The following MDM4 variants were observed in gnomAD, a reference collection of about 807,000 sequenced individuals.
The protein encoded by MDM4 is protein Mdm4.
A neutral mutation model predicts 60.2 loss-of-function variants in MDM4; 2 were observed. The observed-to-expected ratio is 0.03, with a 90% confidence interval of 0.01 to 0.10. The LOEUF is 0.10. MDM4 is among the 10% of genes least tolerant of loss of function. The pLI, the probability that MDM4 is intolerant of heterozygous loss-of-function variation, is 1.00. For missense variants in MDM4, 447 were observed against 577.5 expected, an observed-to-expected ratio of 0.77 and a Z score of 2.32; for synonymous variants, 202 against 198.1, an observed-to-expected ratio of 1.02 and a Z score of -0.17.
chr1:204,517,811 T>A (rs1399661063), intron 1 of MDM4, among the ~76,000 whole-genome samples: 1 of 152,194 alleles, frequency 6.6e-6, no homozygotes, highest in Non-Finnish European at 1.5e-5. Flanking sequence ...GTGTTAAGTA[T>A]TACTGTATCT....
intron 3 of MDM4, chr1:204,529,332 C>A: frequency 1.3e-6 from 1 of 789,654 alleles, no homozygotes; most frequent in South Asian, 1.4e-5. Context: ...CGACTGGAAC[C>A]AGGAGTAGGC....
In MDM4 at chr1:204,529,484, C is replaced by A. The variant is rs1660622257; in HGVS notation, c.154-1200C>A. On this transcript the variant is annotated intron_variant, in intron 3 of 10. Transcript: ENST00000367182. Reference sequence around the variant, plus strand: ...CTCCTGGAGTTCCAGAGGGGAACATCCCAGGATTGAGGTGTCCATAGGGCC... The same window carrying A: ...CTCCTGGAGTTCCAGAGGGGAACATACCAGGATTGAGGTGTCCATAGGGCC... 7.2e-6 allele frequency: 11 copies of A among 1,527,754 alleles called. No individual in the cohort carries two copies. In the South Asian group the frequency reaches 1.1e-4, roughly 15 times the overall value. 94.6% of individuals were successfully genotyped at this position (1,527,754 alleles called of 1,614,324 possible). A position where few individuals can be genotyped will look rare whatever the true frequency, so the allele number is the denominator to read the frequency against.
Position 204,537,145 on chromosome 1 carries a change from A to G in MDM4, c.344-285A>G, listed in dbSNP as rs895127397. The G allele has an allele frequency of 1.0e-4, 39 of 390,926 alleles. 1 individual carries two copies. In the Admixed American group the frequency reaches 1.2e-3, roughly 12 times the overall value. The allele number at this position is 390,926 out of a possible 1,614,324, so 24.2% of individuals were successfully genotyped here. On this transcript the variant is annotated intron_variant, in intron 5 of 10. Transcript: ENST00000367182. ...TCCTGCTTGGAACCAGTTTTCATAT[A>G]AAAATTTAAAAGCTTGATATGGAAG... is the stretch of plus-strand genomic sequence containing the variant.
At chr1:204,518,939 G>A (rs894075193) in intron 1 of MDM4, among the ~76,000 whole-genome samples, 3 of 152,226 alleles carry the variant, frequency 2.0e-5, no homozygotes, top group Non-Finnish European at 2.9e-5. Context: ...TGGGATTACA[G>A]GTGTGAGCCA....
intron 7 of MDM4, among the ~76,000 whole-genome samples, chr1:204,542,085 T>G (rs1662149445): frequency 6.6e-6 from 1 of 152,216 alleles, no homozygotes; most frequent in Admixed American, 6.5e-5. Flanking sequence ...ATCTTTTACT[T>G]GAAATAACGT....
chr1:204,556,772 A>G lies in MDM4; in HGVS notation c.*7090A>G, dbSNP rs187228324. On this transcript the variant is annotated 3_prime_UTR_variant, in exon 11 of 11. Coordinates refer to ENST00000367182, the MANE Select transcript of MDM4 (RefSeq NM_002393.5). ...GCCTCATTTTTTCACTTTCTTTTCA[A>G]TGAGAATCGAAGTGTTTCTTTTGGG... 897 of 214,276 alleles carry G rather than the reference A, an allele frequency of 4.2e-3. 4 individuals are homozygous for G. In the Middle Eastern group the frequency reaches 0.044, roughly 11 times the overall value. The allele number at this position is 214,276 out of a possible 1,614,324, so 13.3% of individuals were successfully genotyped here.
chr1:204,534,367 A>G (rs568208665), intron 5 of MDM4, among the ~76,000 whole-genome samples: 2 of 152,316 alleles, frequency 1.3e-5, no homozygotes, highest in African/African-American at 2.4e-5. Context: ...CTACTTTTTC[A>G]TTAAAATTTG....
intron 1 of MDM4, among the ~76,000 whole-genome samples, chr1:204,517,060 G>A (rs1181637028): frequency 6.6e-6 from 1 of 152,020 alleles, no homozygotes; most frequent in Non-Finnish European, 1.5e-5. Flanking sequence ...GGCCAACCTG[G>A]TGAAACCCCG....
intron 8 of MDM4, among the ~76,000 whole-genome samples, chr1:204,544,165 A>G (rs1662413222): frequency 6.6e-6 from 1 of 152,228 alleles, no homozygotes; most frequent in Admixed American, 6.5e-5. Context: ...ATATGTCAGA[A>G]CTAATGGAAT....
chr1:204,546,315 G>T (rs1036442779), intron 9 of MDM4, among the ~76,000 whole-genome samples: 2 of 152,068 alleles, frequency 1.3e-5, no homozygotes, highest in African/African-American at 4.8e-5. Context: ...CGATTCTCTT[G>T]TCTCAGCCCC....
chr1:204,520,112 C>G (rs1193355930), intron 1 of MDM4, among the ~76,000 whole-genome samples: 3 of 151,752 alleles, frequency 2.0e-5, no homozygotes, highest in Non-Finnish European at 4.4e-5. Flanking sequence ...CCCGTCTCTA[C>G]TAAAAATACA....
chr1:204,543,067 A>T (rs4252718), intron 8 of MDM4, 123 bp downstream of exon 8: 495,285 of 790,604 alleles, frequency 0.63, 160,861 homozygotes, highest in East Asian at 0.71. Flanking sequence ...GTTAAATACC[A>T]TCTGTATGCA....
chr1:204,533,224 G>C (rs1484725492), intron 5 of MDM4, among the ~76,000 whole-genome samples: 1 of 152,236 alleles, frequency 6.6e-6, no homozygotes, highest in African/African-American at 2.4e-5. Context: ...GTCTGTAAGA[G>C]ATAGGTAAAT....
chr1:204,529,829 G>C, intron 3 of MDM4: 1 of 263,744 alleles, frequency 3.8e-6, no homozygotes. Context: ...TGAGCTTTCT[G>C]TTATGAACCT....
rs995380819 is a variant in MDM4 at position 204,550,917 on chromosome 1, A to G, written c.*1235A>G. The G allele has an allele frequency of 5.5e-6, 1 of 182,354 alleles. No individual in the cohort carries two copies. Among genetic ancestry groups the G allele is most frequent in the African/African-American group, 2.4e-5 (1 of 42,482 alleles). The allele number at this position is 182,354 out of a possible 1,614,324, so 11.3% of individuals were successfully genotyped here. On this transcript the variant is annotated 3_prime_UTR_variant, in exon 11 of 11. Transcript: ENST00000367182. ...AAAGTCCTGTCATATAAACTGGCAAAGTCTGTTCTTAATTTAATTAGCCAA... is the reference window on the plus strand; with the variant it reads ...AAAGTCCTGTCATATAAACTGGCAAGGTCTGTTCTTAATTTAATTAGCCAA...
At position 204,525,579 on chromosome 1, in the gene MDM4, C is replaced by A. The variant is rs1481232207; in HGVS notation, c.61C>A (p.Pro21Thr). 10 of 1,598,100 alleles carry A rather than the reference C, an allele frequency of 6.3e-6. No individual in the cohort carries two copies. Among genetic ancestry groups the A allele is most frequent in the Non-Finnish European group, 8.5e-6 (10 of 1,171,740 alleles). The change falls in exon 2 of 11, where the codon CCT (proline) becomes ACT (threonine). Residue 21 changes from proline (P) to threonine (T), a missense_variant. Around this residue, in one of 8 missense-constraint regions of MDM4, gnomAD observed 33 missense variants for 28.8 expected, o/e 1.15. Transcript: ENST00000367182. ...ATCTGACAGTGCTTGCAGGATCTCT[C>A]CTGGACAAATCAATCAGGTAAATCA... ...STSDSACRIS[P>T]GQINQVRPKL...
At chr1:204,540,561 G>A (rs1321166339) in intron 7 of MDM4, among the ~76,000 whole-genome samples, 5 of 151,976 alleles carry the variant, frequency 3.3e-5, no homozygotes, top group South Asian at 4.2e-4. Context: ...TCAGGAGTTC[G>A]AGACCAGCCT....
rs71568035 is a variant in MDM4, at chr1:204,527,129, TAAAAA to T, written c.153+708_153+712del. Among the ~76,000 whole-genome samples, 18 of 142,062 alleles carry T rather than the reference TAAAAA, an allele frequency of 1.3e-4. 1 individual carries two copies. In the South Asian group the frequency reaches 3.6e-3, roughly 28 times the overall value. The allele number at this position is 142,062 out of a possible 152,430, so 93.2% of individuals were successfully genotyped here. ...GGGCAACATGATGAAACCCTGTCTC[TAAAAA>T]AAAAAAAAAAAATACAAAAATTGGG... On this transcript the variant is annotated intron_variant, in intron 3 of 10. Transcript: ENST00000367182.
chr1:204,533,187 C>T (rs1473117167), intron 5 of MDM4, among the ~76,000 whole-genome samples: 1 of 152,220 alleles, frequency 6.6e-6, no homozygotes, highest in African/African-American at 2.4e-5. Flanking sequence ...ACTGGCTGTA[C>T]TGGAGTCTGG....
Sources: allele counts gnomAD v4.1 joint callset (sites outside exome capture counted in the v4.1 genomes callset), GRCh38; gene constraint gnomAD v4.1.1; regional missense constraint gnomAD v4.1.1; transcripts MANE v1.5; gene names NCBI Gene and HGNC (gene_info 2026-07-23, HGNC 2026-07-21).